LRIF1: variants seen among roughly 807,000 people sequenced by gnomAD.
LRIF1 encodes ligand-dependent nuclear receptor-interacting factor 1.
LRIF1 carries 32 observed loss-of-function variants against 52.7 expected under a neutral mutation model. That is an observed-to-expected ratio of 0.61 (90% CI 0.46 to 0.82). The LOEUF is 0.82. Among genes scored for constraint, LRIF1 ranks in the 40% least tolerant of loss-of-function variants. LRIF1 has a pLI of 0.00. For missense variants in LRIF1, 887 were observed against 892.0 expected (o/e 0.99, Z 0.07); for synonymous variants, 323 against 317.4 (o/e 1.02, Z -0.19).
intron 1 of LRIF1, among the ~76,000 whole-genome samples, chr1:110,957,425 C>T (rs910187085): frequency 1.1e-4 from 15 of 134,362 alleles, no homozygotes; most frequent in South Asian, 2.4e-4. Flanking sequence ...GAGCTGAGAT[C>T]GCGCCACTGC....
At chr1:110,918,149 C>A in the LRIF1 span, among the ~76,000 whole-genome samples, 5 of 152,228 alleles carry the variant, frequency 3.3e-5, no homozygotes, top group South Asian at 1.0e-3. Context: ...CATAAATACA[C>A]ACACATACAA....
the LRIF1 span, among the ~76,000 whole-genome samples, chr1:110,934,041 C>T: frequency 6.6e-6 from 1 of 152,164 alleles, no homozygotes; most frequent in Non-Finnish European, 1.5e-5. Context: ...TTCAGAGACC[C>T]TTGTTCCAGA....
At chr1:110,928,079 T>C in the LRIF1 span, among the ~76,000 whole-genome samples, 1 of 152,182 alleles carries the variant, frequency 6.6e-6, no homozygotes, top group Non-Finnish European at 1.5e-5. Context: ...CTGGCAGTTT[T>C]TGGCTATCTT....
the LRIF1 span, chr1:110,941,633 T>G: frequency 6.6e-6 from 1 of 152,128 alleles, no homozygotes; most frequent in Non-Finnish European, 1.5e-5. Flanking sequence ...TAACTGTGGT[T>G]GTTATTCATT....
the LRIF1 span, among the ~76,000 whole-genome samples, chr1:110,886,179 A>G: frequency 1.3e-5 from 2 of 152,114 alleles, no homozygotes; most frequent in South Asian, 4.2e-4. Context: ...GTGTTGCTCC[A>G]CTTTCTTCCA....
chr1:110,922,198 T>C, the LRIF1 span, among the ~76,000 whole-genome samples: 1 of 152,210 alleles, frequency 6.6e-6, no homozygotes, highest in African/African-American at 2.4e-5. Flanking sequence ...ATGATGTATA[T>C]GTAGAGAGGT....
chr1:110,935,321 C>A, the LRIF1 span, among the ~76,000 whole-genome samples: 1 of 152,150 alleles, frequency 6.6e-6, no homozygotes, highest in African/African-American at 2.4e-5. Context: ...GAAATCATGA[C>A]CTCACCAAAT....
At chr1:110,897,978 T>C in the LRIF1 span, 1 of 673,348 alleles carries the variant, frequency 1.5e-6, no homozygotes, top group Non-Finnish European at 2.6e-6. Context: ...ACACAGTATT[T>C]ACACAATAAA....
the LRIF1 span, chr1:110,937,853 A>G: frequency 6.6e-6 from 1 of 152,132 alleles, no homozygotes; most frequent in Non-Finnish European, 1.5e-5. Context: ...GACACAAATT[A>G]ATAAAATCAG....
chr1:110,962,071 C>CAA (rs1282445632), intron 1 of LRIF1, among the ~76,000 whole-genome samples: 3 of 151,144 alleles, frequency 2.0e-5, no homozygotes, highest in African/African-American at 7.3e-5. Context: ...TACACACACA[C>CAA]ACACACACAC....
Position 110,952,297 on chromosome 1 carries a change from A to G in LRIF1, c.587T>C (p.Val196Ala). The change falls in exon 2 of 4, where the codon GTA (valine) becomes GCA (alanine). Residue 196 changes from valine (V) to alanine (A), a missense_variant. Physicochemically the swap from Val to Ala is moderately conservative, Grantham distance 64. Coordinates refer to ENST00000369763, the MANE Select transcript of LRIF1 (RefSeq NM_018372.4). ...TGAAGGAGGCAATGATGACGCTGGTACAGATTTCACTTCAGCATGGGCTGG... is the reference window on the plus strand; with the variant it reads ...TGAAGGAGGCAATGATGACGCTGGTGCAGATTTCACTTCAGCATGGGCTGG... ...QIPAHAEVKS[V>A]PASSLPPSVQ... The G allele has an allele frequency of 1.2e-6, 2 of 1,614,168 alleles. No homozygotes were observed. The highest frequency in any genetic ancestry group is 8.5e-7 in the Non-Finnish European group (1 of 1,180,012).
At chr1:110,925,632 A>G in the LRIF1 span, among the ~76,000 whole-genome samples, 4 of 152,244 alleles carry the variant, frequency 2.6e-5, no homozygotes, top group African/African-American at 9.6e-5. Context: ...CAGCAAGAGA[A>G]TAAGACAAAA....
chr1:110,925,547 C>T, the LRIF1 span, among the ~76,000 whole-genome samples: 1 of 152,040 alleles, frequency 6.6e-6, no homozygotes, highest in Non-Finnish European at 1.5e-5. Flanking sequence ...CATCATTCTT[C>T]ATGGGGAAAT....
chr1:110,902,517 A>AAAAAAAAAG, the LRIF1 span, among the ~76,000 whole-genome samples: 1 of 104,682 alleles, frequency 9.6e-6, no homozygotes, highest in Non-Finnish European at 2.1e-5. Flanking sequence ...AAAAAAAAAA[A>AAAAAAAAAG]AAAGAAATAC....
At chr1:110,914,690 T>C in the LRIF1 span, among the ~76,000 whole-genome samples, 1 of 151,902 alleles carries the variant, frequency 6.6e-6, no homozygotes, top group Non-Finnish European at 1.5e-5. Flanking sequence ...GAGGCAGAGG[T>C]TGCAGTGAGT....
chr1:110,908,735 T>C, the LRIF1 span, among the ~76,000 whole-genome samples: 5 of 151,880 alleles, frequency 3.3e-5, no homozygotes, highest in African/African-American at 4.8e-5. Context: ...CTAAGAAATA[T>C]GGAATTATGT....
intron 1 of LRIF1, among the ~76,000 whole-genome samples, chr1:110,960,309 G>T (rs1557843988): frequency 6.6e-6 from 1 of 151,308 alleles, no homozygotes. Flanking sequence ...AGACTCTATA[G>T]TATGTGTGTC....
chr1:110,888,885 G>T, the LRIF1 span, among the ~76,000 whole-genome samples: 1 of 152,136 alleles, frequency 6.6e-6, no homozygotes, highest in Non-Finnish European at 1.5e-5. Flanking sequence ...TGCTCAAGGG[G>T]ACTACATTCA....
the LRIF1 span, among the ~76,000 whole-genome samples, chr1:110,901,677 T>C: frequency 4.6e-5 from 7 of 151,998 alleles, no homozygotes; most frequent in South Asian, 6.2e-4. Flanking sequence ...GGTTTCACTA[T>C]GTTGGCCAGG....
Sources: gnomAD v4.1 joint callset for allele counts (sites outside exome capture counted in the v4.1 genomes callset) on GRCh38, gnomAD v4.1.1 for gene constraint, MANE v1.5 for transcripts, NCBI Gene and HGNC (gene_info 2026-07-23, HGNC 2026-07-21) for gene names.